GRID1: variants seen among roughly 807,000 people sequenced by gnomAD.
GRID1 encodes glutamate ionotropic receptor delta type subunit 1.
A neutral mutation model predicts 98.0 loss-of-function variants in GRID1; 28 were observed. The observed-to-expected ratio is 0.29, with a 90% CI of 0.21 to 0.39. The LOEUF is 0.39. GRID1 is among the 10% of genes least tolerant of loss of function. The pLI is 1.00. For synonymous variants in GRID1, 553 were observed against 538.5 expected, an observed-to-expected ratio of 1.03 and a Z score of -0.37; for missense variants, 1,111 against 1,340.5, an observed-to-expected ratio of 0.83 and a Z score of 2.67.
chr10:86,312,276 G>A (rs986787669), intron 2 of GRID1, among the ~76,000 whole-genome samples: 1 of 152,200 alleles, frequency 6.6e-6, no homozygotes, highest in Admixed American at 6.5e-5. Flanking sequence ...TTCCACAGTG[G>A]TGCCAAGAAG....
intron 5 of GRID1, among the ~76,000 whole-genome samples, chr10:85,911,661 G>T (rs1356412753): frequency 6.6e-6 from 1 of 152,200 alleles, no homozygotes; most frequent in Non-Finnish European, 1.5e-5. Context: ...ATGTCTGGAA[G>T]AATTCATGTA....
intron 8 of GRID1, among the ~76,000 whole-genome samples, chr10:85,852,825 G>A (rs1564609923): frequency 6.6e-6 from 1 of 152,078 alleles, no homozygotes; most frequent in Non-Finnish European, 1.5e-5. Flanking sequence ...TCATAGGCCA[G>A]CCCTGGCTTC....
intron 13 of GRID1, chr10:85,644,220 C>T (rs994420921): frequency 6.6e-6 from 1 of 152,174 alleles, no homozygotes; most frequent in African/African-American, 2.4e-5. Flanking sequence ...ACAACCTTTG[C>T]TTCAGGATAC....
chr10:85,829,326 C>T (rs2131759920), intron 8 of GRID1, among the ~76,000 whole-genome samples: 1 of 151,838 alleles, frequency 6.6e-6, no homozygotes, highest in East Asian at 1.9e-4. Flanking sequence ...TCATATATAA[C>T]AAACCCAGGG....
intron 4 of GRID1, among the ~76,000 whole-genome samples, chr10:86,060,613 G>T (rs1843635409): frequency 1.3e-5 from 2 of 152,196 alleles, no homozygotes; most frequent in Non-Finnish European, 2.9e-5. Context: ...ACCATGTCAG[G>T]TGTCCCCGGG....
chr10:85,780,315 C>T (rs572028397), intron 8 of GRID1, among the ~76,000 whole-genome samples: 1 of 152,284 alleles, frequency 6.6e-6, no homozygotes, highest in South Asian at 2.1e-4. Flanking sequence ...TGCCCAGATG[C>T]AATGGCCACC....
chr10:85,642,922 A>T (rs765761449), intron 13 of GRID1, among the ~76,000 whole-genome samples: 6 of 152,180 alleles, frequency 3.9e-5, no homozygotes, highest in Non-Finnish European at 8.8e-5. Context: ...TACCCTCCAG[A>T]GGCTCAATGA....
At chr10:86,040,074 A>C (rs564609960) in intron 4 of GRID1, among the ~76,000 whole-genome samples, 1 of 152,162 alleles carries the variant, frequency 6.6e-6, no homozygotes, top group South Asian at 2.1e-4. Context: ...TAGGGCATCC[A>C]CTGTTGTGGG....
In GRID1 at chr10:86,206,216, T is replaced by A; in HGVS notation, c.520+148A>T. ...TGTTGTTGCAGCTCTTCCTGACTCA[T>A]GAAGCTCGAGGTTTGACCCTATCAC... On this transcript the variant is annotated intron_variant, in intron 3 of 15. Transcript: ENST00000327946. The surrounding 1 kb of genome is among the most constrained non-coding windows in gnomAD (Gnocchi z 4.1). 1.5e-6 allele frequency: 1 copy of A among 648,682 alleles called. No individual in the cohort carries two copies. The highest frequency in any genetic ancestry group is 2.6e-6 in the Non-Finnish European group (1 of 386,862). 40.2% of individuals were successfully genotyped at this position (648,682 alleles called of 1,614,324 possible). A position where few individuals can be genotyped will look rare whatever the true frequency, so the allele number is the denominator to read the frequency against.
At chr10:86,055,372 C>G (rs1294652329) in intron 4 of GRID1, among the ~76,000 whole-genome samples, 2 of 152,068 alleles carry the variant, frequency 1.3e-5, no homozygotes, top group Non-Finnish European at 2.9e-5. Flanking sequence ...TCCTTAACCA[C>G]CCAGTGTGAT....
chr10:85,753,552 C>T (rs1010459242), intron 8 of GRID1, among the ~76,000 whole-genome samples: 1 of 152,246 alleles, frequency 6.6e-6, no homozygotes, highest in Non-Finnish European at 1.5e-5. Context: ...GTGACTGTAA[C>T]TCCAGCTGTG....
chr10:86,351,522 G>A (rs1263195797), intron 2 of GRID1, among the ~76,000 whole-genome samples: 1 of 152,206 alleles, frequency 6.6e-6, no homozygotes, highest in East Asian at 1.9e-4. Flanking sequence ...AAGTAGGCAT[G>A]AGATTCGCAG....
chr10:86,101,384 C>T (rs1051344012), intron 4 of GRID1, among the ~76,000 whole-genome samples: 2 of 152,164 alleles, frequency 1.3e-5, no homozygotes, highest in Non-Finnish European at 2.9e-5. Context: ...AATCAAGATA[C>T]GGAACAGCTC....
intron 8 of GRID1, among the ~76,000 whole-genome samples, chr10:85,828,616 C>T (rs980228012): frequency 6.6e-6 from 1 of 151,890 alleles, no homozygotes; most frequent in East Asian, 1.9e-4. Flanking sequence ...GAGAACATTA[C>T]TACTGAACTG....
At chr10:85,729,283 T>C (rs185147465) in intron 9 of GRID1, among the ~76,000 whole-genome samples, 2 of 152,308 alleles carry the variant, frequency 1.3e-5, no homozygotes, top group Admixed American at 1.3e-4. Context: ...AGTCCTTTTC[T>C]AGAGCAGCTC....
At chr10:86,128,183 G>A (rs984836281) in intron 4 of GRID1, among the ~76,000 whole-genome samples, 1 of 152,182 alleles carries the variant, frequency 6.6e-6, no homozygotes, top group African/African-American at 2.4e-5. Context: ...TCTGTGAGAG[G>A]AGAATGGGCA....
chr10:85,625,638 G>C (rs1669803598), intron 13 of GRID1, among the ~76,000 whole-genome samples: 1 of 152,178 alleles, frequency 6.6e-6, no homozygotes, highest in Non-Finnish European at 1.5e-5. Context: ...TTAGCAAGCA[G>C]ATTCCCTTCT....
At chr10:86,339,017 G>T (rs184045526) in intron 2 of GRID1, among the ~76,000 whole-genome samples, 20 of 152,210 alleles carry the variant, frequency 1.3e-4, no homozygotes, top group Admixed American at 1.3e-3. Flanking sequence ...CAGAGCTGGG[G>T]TTCAGATCCA....
intron 4 of GRID1, among the ~76,000 whole-genome samples, chr10:85,950,010 G>C (rs566343763): frequency 6.6e-6 from 1 of 152,256 alleles, no homozygotes; most frequent in South Asian, 2.1e-4. Flanking sequence ...ATGATAAATG[G>C]ATGGGTAGAT....
Sources: gnomAD v4.1 joint callset for allele counts (sites outside exome capture counted in the v4.1 genomes callset) on GRCh38, gnomAD v4.1.1 for gene constraint, Gnocchi (gnomAD v3.1) non-coding constraint, MANE v1.5 for transcripts, NCBI Gene and HGNC (gene_info 2026-07-23, HGNC 2026-07-21) for gene names.